The following MADD variants were observed in gnomAD, a reference collection of about 807,000 sequenced individuals.
The protein encoded by MADD is MAP kinase-activating death domain protein.
A neutral mutation model predicts 176.7 loss-of-function variants in MADD; 109 were observed. The observed-to-expected ratio is 0.62, with a 90% CI of 0.53 to 0.72. MADD has a LOEUF of 0.72. Ranked by LOEUF, MADD falls within the 30% of genes least tolerant of loss-of-function variation. The probability of loss-of-function intolerance (pLI) is 0.00; values close to 1 mark genes in which losing one functional copy is unlikely to be tolerated. For missense variants in MADD, 1,914 were observed against 2,045.5 expected, an observed-to-expected ratio of 0.94 and a Z score of 1.24; for synonymous variants, 771 against 771.3, an observed-to-expected ratio of 1.00 and a Z score of 0.01.
intron 5 of MADD, 132 bp downstream of exon 5, chr11:47,276,995 C>A: frequency 9.4e-7 from 1 of 1,069,140 alleles, no homozygotes; most frequent in Non-Finnish European, 1.3e-6. Context: ...CAAAATCTGA[C>A]TGATTTGAAC....
chr11:47,326,661 G>A (rs2095486585), intron 30 of MADD, 77 bp from the exon 35 acceptor site: 1 of 1,563,236 alleles, frequency 6.4e-7, no homozygotes, highest in African/African-American at 1.4e-5. Flanking sequence ...GGGTGGGGCT[G>A]TAGCTGGGAG....
intron 13 of MADD, 105 bp downstream of exon 13, chr11:47,285,299 TG>T (rs2059822440): frequency 1.3e-6 from 2 of 1,554,796 alleles, no homozygotes; most frequent in African/African-American, 2.7e-5. Flanking sequence ...AATGCTCTCG[TG>T]GTCCTGCCAT....
chr11:47,285,111 A>G (rs926928720), exon 13 of MADD: 9 of 1,613,940 alleles, frequency 5.6e-6, no homozygotes, highest in African/African-American at 2.7e-5. Context: ...TCGAGCCCCA[A>G]TATGGCTTTC....
intron 22 of MADD, among the ~76,000 whole-genome samples, chr11:47,300,805 G>A (rs2077140929): frequency 6.6e-6 from 1 of 152,076 alleles, no homozygotes; most frequent in South Asian, 2.1e-4. Flanking sequence ...GTGATGGGAA[G>A]CTTTTTATTA....
intron 27 of MADD, 122 bp from the exon 31 acceptor site, chr11:47,323,549 T>C (rs10838692): frequency 0.37 from 338,920 of 919,454 alleles, 67,017 homozygotes; most frequent in East Asian, 0.69. Flanking sequence ...AGGGAAACCA[T>C]GAGCGTAAGG....
intron 26 of MADD, among the ~76,000 whole-genome samples, chr11:47,315,017 C>G (rs1453174432): frequency 6.6e-6 from 1 of 152,054 alleles, no homozygotes; most frequent in Non-Finnish European, 1.5e-5. Flanking sequence ...AACAAAAGCT[C>G]TTTGGAATCT....
rs188541584 is a variant in MADD, at chr11:47,329,088, G to A, written c.4702G>A (p.Val1568Met). ...CTCCGTATTATGTCTCTTCTCGTAC[G>A]TGGCTGCAGTTCATAGCAGTGAGGA... is the stretch of plus-strand genomic sequence containing the variant. Residue 1568 changes from valine (V) to methionine (M), a missense_variant, in exon 33 of 33, where the codon GTG becomes ATG. Physicochemically the swap from Val to Met is conservative, Grantham distance 21. Around this residue, in one of 2 missense-constraint regions of MADD, gnomAD observed 147 missense variants for 209.5 expected, o/e 0.70. Transcript: ENST00000402192. 17 of 1,614,142 alleles carry A rather than the reference G, an allele frequency of 1.1e-5. No homozygotes were observed. The highest frequency in any genetic ancestry group is 9.3e-5 in the African/African-American group (7 of 75,012).
intron 17 of MADD, 44 bp from the exon 19 acceptor site, chr11:47,290,105 C>G: frequency 1.2e-6 from 2 of 1,612,558 alleles, no homozygotes; most frequent in Non-Finnish European, 1.7e-6. Context: ...GATGTGAACA[C>G]CACAGGCAAT....
At chr11:47,276,985 C>A in intron 5 of MADD, 122 bp downstream of exon 5, 2 of 1,201,136 alleles carry the variant, frequency 1.7e-6, no homozygotes, top group Non-Finnish European at 2.3e-6. Flanking sequence ...TATTTGTCTA[C>A]AAAATCTGAC....
intron 25 of MADD, among the ~76,000 whole-genome samples, chr11:47,310,805 G>A (rs752461678): frequency 7.3e-5 from 11 of 151,524 alleles, no homozygotes; most frequent in Admixed American, 7.2e-4. Flanking sequence ...TACTTGGGAG[G>A]CTGAGACAGG....
rs767399208 is a variant in MADD at position 47,329,120 on chromosome 11, CAG to C, written c.4736_4737del (p.Arg1579AsnfsTer8). On this transcript the variant is annotated frameshift_variant, in exon 33 of 33. Transcript: ENST00000402192. LOFTEE classifies it high-confidence loss of function. ...CAGTTCATAGCAGTGAGGAAGATCT[CAG>C]AACCCCGCCCCGGCCTGTCTCTAGC... The C allele has an allele frequency of 6.2e-7, 1 of 1,614,150 alleles. No homozygotes were observed. Among genetic ancestry groups the C allele is most frequent in the Non-Finnish European group, 8.5e-7 (1 of 1,180,004 alleles).
At chr11:47,328,502 G>C in intron 31 of MADD, 156 bp from the exon 36 acceptor site, 2 of 1,493,454 alleles carry the variant, frequency 1.3e-6, no homozygotes, top group Non-Finnish European at 1.8e-6. Flanking sequence ...GCCTCTGGTG[G>C]CCTCTGCCCT....
At chr11:47,285,154 A>C (rs371995837) in exon 13 of MADD, 1 of 1,614,104 alleles carries the variant, frequency 6.2e-7, no homozygotes, top group Non-Finnish European at 8.5e-7. Context: ...GCAGGGGGAA[A>C]GTTACACTCC....
chr11:47,320,386 C>T (rs558751717), intron 27 of MADD, among the ~76,000 whole-genome samples: 5 of 151,378 alleles, frequency 3.3e-5, no homozygotes, highest in South Asian at 2.1e-4. Context: ...ACCTGGGAGG[C>T]GGAGGTTGCA....
At chr11:47,288,322 A>T (rs1394463871) in intron 15 of MADD, among the ~76,000 whole-genome samples, 1 of 152,206 alleles carries the variant, frequency 6.6e-6, no homozygotes, top group Non-Finnish European at 1.5e-5. Context: ...CAAAGTTGTC[A>T]GGAGTCTAAG....
intron 15 of MADD, among the ~76,000 whole-genome samples, chr11:47,287,579 G>GT (rs1306215382): frequency 6.6e-6 from 1 of 151,570 alleles, no homozygotes; most frequent in Non-Finnish European, 1.5e-5. Context: ...CTGGCTAATT[G>GT]TTGTATTTTT....
chr11:47,281,555 AT>A lies in MADD; in HGVS notation c.1291-16del, dbSNP rs766726418. ...CCCAGGGACGTTCCTTGTGTAAGGA[AT>A]TTTCTTGTTGTTCCACAGGCCTTGG... On this transcript the variant is annotated intron_variant, in intron 7 of 32. Transcript: ENST00000402192. The A allele has an allele frequency of 1.3e-6, 2 of 1,579,756 alleles. No individual in the cohort carries two copies. Among genetic ancestry groups the A allele is most frequent in the Non-Finnish European group, 1.7e-6 (2 of 1,157,152 alleles).
intron 31 of MADD, 169 bp from the exon 36 acceptor site, chr11:47,328,489 A>G: frequency 6.7e-7 from 1 of 1,484,636 alleles, no homozygotes; most frequent in Non-Finnish European, 8.9e-7. Context: ...GAGTCTGGAC[A>G]GAGCCTCTGG....
chr11:47,285,491 A>G (rs756374185), exon 14 of MADD: 4 of 1,614,056 alleles, frequency 2.5e-6, no homozygotes, highest in African/African-American at 1.3e-5. Flanking sequence ...GAGACTGGCA[A>G]GTGACTCAGA....
Sources: allele counts gnomAD v4.1 joint callset (sites outside exome capture counted in the v4.1 genomes callset), GRCh38; gene constraint gnomAD v4.1.1; regional missense constraint gnomAD v4.1.1; transcripts MANE v1.5; gene names NCBI Gene and HGNC (gene_info 2026-07-23, HGNC 2026-07-21).